The following TMCO4 variants were observed in gnomAD, a reference collection of about 807,000 sequenced individuals.
TMCO4 encodes the protein transmembrane and coiled-coil domain-containing protein 4.
In TMCO4, 58 loss-of-function variants were observed where a neutral mutation model predicts 64.7. The observed-to-expected ratio is 0.90, with a 90% confidence interval of 0.73 to 1.12. The LOEUF is 1.12. Among genes scored for constraint, TMCO4 ranks in the 50% most tolerant of loss-of-function variants. TMCO4 has a pLI of 0.00. For synonymous variants in TMCO4, 325 were observed against 346.1 expected (o/e 0.94, Z 0.68); for missense variants, 780 against 825.9 (o/e 0.94, Z 0.68).
intron 14 of TMCO4, among the ~76,000 whole-genome samples, chr1:19,698,060 T>C (rs1414398807): frequency 1.3e-5 from 2 of 152,198 alleles, no homozygotes; most frequent in African/African-American, 4.8e-5. Flanking sequence ...CATCCCTGTA[T>C]CCTGAGCTGA....
chr1:19,690,267 C>T (rs34042461), intron 15 of TMCO4, among the ~76,000 whole-genome samples: 24,884 of 152,212 alleles, frequency 0.16, 2,160 homozygotes, highest in East Asian at 0.26. Context: ...GTCATACTGG[C>T]CTTTTGCCCT....
intron 15 of TMCO4, among the ~76,000 whole-genome samples, chr1:19,691,526 T>G (rs2095194756): frequency 6.6e-6 from 1 of 152,182 alleles, no homozygotes; most frequent in South Asian, 2.1e-4. Context: ...TCAAAACACA[T>G]GCAGCCCAGT....
At chr1:19,753,017 T>TA (rs1374464797) in intron 7 of TMCO4, among the ~76,000 whole-genome samples, 2 of 151,898 alleles carry the variant, frequency 1.3e-5, no homozygotes, top group Non-Finnish European at 2.9e-5. Context: ...TGGAGTGCAA[T>TA]GGCATGATCT....
chr1:19,779,774 T>G (rs184921611), intron 4 of TMCO4, among the ~76,000 whole-genome samples: 250 of 152,344 alleles, frequency 1.6e-3, no homozygotes, highest in African/African-American at 5.7e-3. Flanking sequence ...AACAAATGCA[T>G]GTTTCATGAA....
At chr1:19,791,525 C>T (rs528928656) in intron 2 of TMCO4, among the ~76,000 whole-genome samples, 5 of 152,266 alleles carry the variant, frequency 3.3e-5, no homozygotes, top group Non-Finnish European at 5.9e-5. Context: ...TGTGGGAATG[C>T]GTCACCTGCT....
chr1:19,783,955 G>A (rs1026330159), intron 3 of TMCO4, among the ~76,000 whole-genome samples: 1 of 152,186 alleles, frequency 6.6e-6, no homozygotes, highest in Non-Finnish European at 1.5e-5. Flanking sequence ...GTGGGAACAG[G>A]GGCAACAGCA....
intron 13 of TMCO4, among the ~76,000 whole-genome samples, chr1:19,730,098 T>C (rs1035605073): frequency 1.6e-4 from 24 of 152,382 alleles, no homozygotes; most frequent in Middle Eastern, 3.4e-3. Flanking sequence ...TCTCTGTCTC[T>C]GACCACATGG....
chr1:19,731,060 C>T (rs1284943115), intron 13 of TMCO4, among the ~76,000 whole-genome samples: 1 of 152,158 alleles, frequency 6.6e-6, no homozygotes, highest in African/African-American at 2.4e-5. Context: ...AACAGCAGCC[C>T]TGGGCAAAGG....
chr1:19,795,306 C>T (rs1349972522), intron 2 of TMCO4, among the ~76,000 whole-genome samples: 4 of 152,006 alleles, frequency 2.6e-5, no homozygotes, highest in Admixed American at 2.0e-4. Context: ...CCCGTCTCTA[C>T]TAAAAATACA....
Position 19,773,436 on chromosome 1 carries a change from G to T in TMCO4, c.180-1954C>A, listed in dbSNP as rs1249242868. Among the ~76,000 whole-genome samples the T allele has an allele frequency of 2.6e-5, 4 of 152,274 alleles. No individual in the cohort carries two copies. The East Asian group carries it at 7.7e-4, about 29-fold the overall frequency. ...ATGACACTTCGGAACTGTCTCCAGC[G>T]GGGTGAGAGGGCCAGGCCTTTACAG... On this transcript the variant is annotated intron_variant, in intron 4 of 15. Transcript: ENST00000294543.
intron 13 of TMCO4, among the ~76,000 whole-genome samples, chr1:19,707,002 C>A (rs537600118): frequency 4.6e-5 from 7 of 152,208 alleles, no homozygotes; most frequent in Non-Finnish European, 8.8e-5. Flanking sequence ...AATTATACTG[C>A]AGTGAAGTCA....
intron 13 of TMCO4, among the ~76,000 whole-genome samples, chr1:19,729,674 G>A (rs749495531): frequency 6.6e-6 from 1 of 151,974 alleles, no homozygotes; most frequent in Non-Finnish European, 1.5e-5. Context: ...GCTGAGGTAT[G>A]AGAATTGCTT....
chr1:19,690,805 A>G (rs1472084577), intron 15 of TMCO4, among the ~76,000 whole-genome samples: 1 of 151,362 alleles, frequency 6.6e-6, no homozygotes, highest in African/African-American at 2.4e-5. Flanking sequence ...GGGATGCTTA[A>G]TACCTCCTCT....
At chr1:19,791,080 T>C (rs1035307606) in intron 2 of TMCO4, among the ~76,000 whole-genome samples, 1 of 152,174 alleles carries the variant, frequency 6.6e-6, no homozygotes, top group Non-Finnish European at 1.5e-5. Context: ...ACACCACATG[T>C]TCTCACTTAT....
chr1:19,708,748 C>T (rs999203169), intron 13 of TMCO4, among the ~76,000 whole-genome samples: 1 of 152,192 alleles, frequency 6.6e-6, no homozygotes, highest in African/African-American at 2.4e-5. Context: ...GAAATCTCAT[C>T]AAACAGCTGG....
intron 14 of TMCO4, among the ~76,000 whole-genome samples, chr1:19,700,266 A>G (rs1234894232): frequency 6.6e-6 from 1 of 151,994 alleles, no homozygotes; most frequent in Non-Finnish European, 1.5e-5. Flanking sequence ...GTTTGGGTAT[A>G]GGCTCCTGCA....
rs186805733 is a variant in TMCO4 at position 19,781,772 on chromosome 1, G to A, written c.-8-1006C>T. ...CATCATTCTCCTGCCTCAGCCTCCC[G>A]CGTAGCTGGGACTACAGGCGCCCAC... On this transcript the variant is annotated intron_variant, in intron 3 of 15. Transcript: ENST00000294543. Among the ~76,000 whole-genome samples, 600 of 150,754 alleles carry A rather than the reference G, an allele frequency of 4.0e-3. 3 individuals are homozygous for A. Among genetic ancestry groups the A allele is most frequent in the African/African-American group, 0.013 (547 of 41,106 alleles).
chr1:19,689,382 T>C (rs1018628942), intron 15 of TMCO4, among the ~76,000 whole-genome samples: 1 of 152,178 alleles, frequency 6.6e-6, no homozygotes, highest in African/African-American at 2.4e-5. Context: ...CCAAAACTGC[T>C]GGTCCCAGAG....
chr1:19,691,468 T>G (rs567830542), intron 15 of TMCO4, among the ~76,000 whole-genome samples: 1 of 152,130 alleles, frequency 6.6e-6, no homozygotes, highest in African/African-American at 2.4e-5. Context: ...TTTGATTTTG[T>G]TTTTTTGTGC....
Sources: allele counts gnomAD v4.1 joint callset (sites outside exome capture counted in the v4.1 genomes callset), GRCh38; gene constraint gnomAD v4.1.1; transcripts MANE v1.5; gene names NCBI Gene and HGNC (gene_info 2026-07-23, HGNC 2026-07-21).